The following ADAMTSL1 variants were observed in gnomAD, a reference collection of about 807,000 sequenced individuals.
ADAMTSL1 encodes the protein ADAMTS like 1.
A neutral mutation model predicts 201.8 loss-of-function variants in ADAMTSL1; 126 were observed. The ratio of observed to expected loss-of-function variants is 0.62; its 90% CI spans 0.54 to 0.72. The LOEUF is 0.72. Ranked by LOEUF, ADAMTSL1 falls within the 30% of genes least tolerant of loss-of-function variation. ADAMTSL1 has a pLI of 0.00. For synonymous variants in ADAMTSL1, 1,121 were observed against 903.4 expected (o/e 1.24, Z -4.32); for missense variants, 2,679 against 2,277.8 (o/e 1.18, Z -3.59).
chr9:18,803,745 C>T (rs889879488), intron 20 of ADAMTSL1, among the ~76,000 whole-genome samples: 1 of 152,056 alleles, frequency 6.6e-6, no homozygotes, highest in Non-Finnish European at 1.5e-5. Flanking sequence ...TTTGGGTAAA[C>T]ATGTCTGTGC....
rs78995979 is a variant in ADAMTSL1, at chr9:18,135,642, G to A, written c.88-28220G>A. 4.9e-3 allele frequency among the ~76,000 whole-genome samples: 741 copies of A among 151,976 alleles called. 5 individuals are homozygous for A. Among genetic ancestry groups the A allele is most frequent in the Middle Eastern group, 0.017 (5 of 294 alleles). ...AACCCTGCTTTAAAAAAAATACAGA[G>A]TTTTCTTTTATATATTAATATATAG... On this transcript the variant is annotated intron_variant, in intron 1 of 29. Transcript: ENST00000680146.
At position 17,912,274 on chromosome 9, in the gene ADAMTSL1, A is replaced by G. The variant is rs1249764391; in HGVS notation, c.87+5352A>G. On this transcript the variant is annotated intron_variant, in intron 1 of 29. Transcript: ENST00000680146. ...AGGAATTACCACACTGACTTCCACAAGGGTTGAACTAGTTTACAGTCCCAC... is the reference window on the plus strand; with the variant it reads ...AGGAATTACCACACTGACTTCCACAGGGGTTGAACTAGTTTACAGTCCCAC... Among the ~76,000 whole-genome samples, 2 of 66,704 alleles carry G rather than the reference A, an allele frequency of 3.0e-5. 1 individual carries two copies. The highest frequency in any genetic ancestry group is 9.2e-5 in the Non-Finnish European group (2 of 21,630). The allele number at this position is 66,704 out of a possible 152,430, so 43.8% of individuals were successfully genotyped here. A position where few individuals can be genotyped will look rare whatever the true frequency, so the allele number is the denominator to read the frequency against.
chr9:18,300,141 G>C (rs1833645178), intron 2 of ADAMTSL1, among the ~76,000 whole-genome samples: 1 of 152,118 alleles, frequency 6.6e-6, no homozygotes, highest in South Asian at 2.1e-4. Flanking sequence ...AAATCATGCT[G>C]CTATAAAGAC....
intron 20 of ADAMTSL1, among the ~76,000 whole-genome samples, chr9:18,812,378 T>C (rs566769552): frequency 1.3e-5 from 2 of 152,292 alleles, no homozygotes; most frequent in East Asian, 3.9e-4. Flanking sequence ...AGTCAAAAAA[T>C]AAATGGGCTT....
At chr9:18,085,151 G>C (rs1296430533) in intron 1 of ADAMTSL1, among the ~76,000 whole-genome samples, 2 of 152,088 alleles carry the variant, frequency 1.3e-5, no homozygotes, top group Non-Finnish European at 2.9e-5. Context: ...GGAATGTGTA[G>C]AGAGAGGGCC....
intron 1 of ADAMTSL1, among the ~76,000 whole-genome samples, chr9:18,060,915 ATTTC>A (rs1448432108): frequency 6.6e-6 from 1 of 152,110 alleles, no homozygotes; most frequent in Non-Finnish European, 1.5e-5. Flanking sequence ...ACTTCTCCTT[ATTTC>A]TTTATCACAG....
intron 2 of ADAMTSL1, among the ~76,000 whole-genome samples, chr9:18,273,613 G>A (rs529825701): frequency 2.6e-4 from 40 of 152,152 alleles, no homozygotes; most frequent in African/African-American, 4.3e-4. Flanking sequence ...TTTAGTCCTC[G>A]GCATCATTCT....
chr9:18,432,643 A>G (rs58634356), intron 2 of ADAMTSL1, among the ~76,000 whole-genome samples: 1,970 of 152,272 alleles, frequency 0.013, 43 homozygotes, highest in African/African-American at 0.044. Context: ...CCCACATTCC[A>G]GTGGTTGCTT....
intron 2 of ADAMTSL1, among the ~76,000 whole-genome samples, chr9:18,402,109 A>G (rs1424951754): frequency 1.3e-5 from 2 of 152,094 alleles, no homozygotes; most frequent in African/African-American, 2.4e-5. Context: ...AGATCTTCCT[A>G]TATCTGAGTT....
chr9:18,614,948 G>A (rs888223948), intron 4 of ADAMTSL1, among the ~76,000 whole-genome samples: 1 of 151,914 alleles, frequency 6.6e-6, no homozygotes, highest in Non-Finnish European at 1.5e-5. Flanking sequence ...AACACTGCAT[G>A]TATTAAGTAA....
At chr9:18,682,047 C>T in intron 12 of ADAMTSL1, 88 bp downstream of exon 12, 1 of 1,353,368 alleles carries the variant, frequency 7.4e-7, no homozygotes, top group Non-Finnish European at 1.0e-6. Context: ...TTTTAAGTAT[C>T]CCAAGTATTC....
chr9:18,242,732 A>G (rs1428913158), intron 2 of ADAMTSL1, among the ~76,000 whole-genome samples: 1 of 152,274 alleles, frequency 6.6e-6, no homozygotes, highest in East Asian at 1.9e-4. Flanking sequence ...AATTGAAAAA[A>G]TTGATAAAAC....
intron 2 of ADAMTSL1, among the ~76,000 whole-genome samples, chr9:18,302,122 C>A (rs1445659551): frequency 6.6e-6 from 1 of 152,190 alleles, no homozygotes; most frequent in African/African-American, 2.4e-5. Context: ...TGTGACTTCT[C>A]TCTTTTTTGG....
intron 1 of ADAMTSL1, among the ~76,000 whole-genome samples, chr9:18,478,427 G>A (rs765052453): frequency 5.3e-5 from 8 of 152,118 alleles, no homozygotes; most frequent in Admixed American, 2.6e-4. Context: ...GTAGAGTGCC[G>A]TGTAGATACA....
rs148481424 is a variant in ADAMTSL1, at chr9:18,872,192, C to T, written c.4250-15639C>T. On this transcript the variant is annotated intron_variant, in intron 23 of 28. Transcript: ENST00000380548. ...TTTTAACAGATAGAATATAATAGGA[C>T]TTGGTTAAACAAGTATTGGAGAACT... Among the ~76,000 whole-genome samples, 841 of 151,874 alleles carry T rather than the reference C, an allele frequency of 5.5e-3. 3 individuals are homozygous for T. The highest frequency in any genetic ancestry group is 0.01 in the Middle Eastern group (3 of 292).
intron 2 of ADAMTSL1, among the ~76,000 whole-genome samples, chr9:18,452,438 G>A (rs929580714): frequency 1.3e-5 from 2 of 152,102 alleles, no homozygotes; most frequent in East Asian, 1.9e-4. Flanking sequence ...CTTCTCACAT[G>A]CAATGTGCAT....
At chr9:18,173,636 T>A (rs140609427) in intron 2 of ADAMTSL1, among the ~76,000 whole-genome samples, 2 of 152,072 alleles carry the variant, frequency 1.3e-5, no homozygotes, top group African/African-American at 4.8e-5. Context: ...AGATTAATTA[T>A]CTAGAAGACA....
intron 2 of ADAMTSL1, among the ~76,000 whole-genome samples, chr9:18,440,601 TAA>T (rs908297024): frequency 1.3e-5 from 2 of 150,702 alleles, no homozygotes; most frequent in African/African-American, 4.9e-5. Context: ...ATCAGATGTA[TAA>T]TATATATATA....
intron 9 of ADAMTSL1, among the ~76,000 whole-genome samples, chr9:18,675,385 A>G (rs1055355169): frequency 1.3e-5 from 2 of 152,210 alleles, no homozygotes; most frequent in Non-Finnish European, 2.9e-5. Flanking sequence ...GCAGTTACAT[A>G]GTATTGTCAA....
Sources: allele counts gnomAD v4.1 joint callset (sites outside exome capture counted in the v4.1 genomes callset), GRCh38; gene constraint gnomAD v4.1.1; transcripts MANE v1.5; gene names NCBI Gene and HGNC (gene_info 2026-07-23, HGNC 2026-07-21).